ANKRD28: variants seen among roughly 807,000 people sequenced by gnomAD.
ANKRD28 encodes the protein serine/threonine-protein phosphatase 6 regulatory ankyrin repeat subunit A.
ANKRD28 carries 44 observed loss-of-function variants against 126.5 expected under a neutral mutation model. The ratio of observed to expected loss-of-function variants is 0.35; its 90% CI spans 0.27 to 0.45. The LOEUF is 0.45. ANKRD28 is among the 20% of genes least tolerant of loss of function. ANKRD28 has a pLI of 1.00. For synonymous variants in ANKRD28, 442 were observed against 468.5 expected (o/e 0.94, Z 0.73); for missense variants, 1,110 against 1,316.6 (o/e 0.84, Z 2.43).
intron 27 of ANKRD28, among the ~76,000 whole-genome samples, chr3:15,675,619 A>G (rs1280997659): frequency 6.6e-6 from 1 of 152,210 alleles, no homozygotes; most frequent in Non-Finnish European, 1.5e-5. Context: ...TATTTGCTGA[A>G]AGAACAAAAT....
At chr3:15,852,890 C>A (rs573611241) in intron 1 of ANKRD28, among the ~76,000 whole-genome samples, 1 of 149,894 alleles carries the variant, frequency 6.7e-6, no homozygotes, top group African/African-American at 2.4e-5. Context: ...GCAAAAGTAG[C>A]CTTCTCACAA....
At chr3:15,765,372 C>T (rs1444751791) in intron 3 of ANKRD28, among the ~76,000 whole-genome samples, 3 of 152,044 alleles carry the variant, frequency 2.0e-5, no homozygotes, top group Non-Finnish European at 2.9e-5. Flanking sequence ...TAGATAAAAG[C>T]TATTTAAACA....
intron 1 of ANKRD28, among the ~76,000 whole-genome samples, chr3:15,834,013 T>G (rs899010472): frequency 2.0e-5 from 3 of 152,178 alleles, no homozygotes; most frequent in African/African-American, 7.2e-5. Context: ...TGCACATATT[T>G]TTTCCCCTTT....
intron 2 of ANKRD28, among the ~76,000 whole-genome samples, chr3:15,777,902 A>ACACACACACACC (rs1385745179): frequency 2.9e-5 from 4 of 136,730 alleles, no homozygotes; most frequent in South Asian, 2.3e-4. Flanking sequence ...ACACACACAC[A>ACACACACACACC]CCCTCTCCGC....
At chr3:15,781,318 G>A (rs1003286683) in intron 2 of ANKRD28, 2 of 152,008 alleles carry the variant, frequency 1.3e-5, no homozygotes, top group African/African-American at 4.8e-5. Flanking sequence ...GATGTTTCTG[G>A]AGGAGACTGG....
At chr3:15,695,539 C>A (rs559355870) in intron 15 of ANKRD28, among the ~76,000 whole-genome samples, 1 of 152,088 alleles carries the variant, frequency 6.6e-6, no homozygotes, top group East Asian at 1.9e-4. Context: ...TGAAGGGAAG[C>A]AAAGTTTAAT....
Position 15,769,451 on chromosome 3 carries a change from A to T in ANKRD28, c.202-3139T>A, listed in dbSNP as rs551095773. On this transcript the variant is annotated intron_variant, in intron 2 of 27. Coordinates refer to ENST00000683139, the MANE Select transcript of ANKRD28 (RefSeq NM_001349278.2). ...AGTAATTCCATTTTAAGGCTTTTTT[A>T]AAAAAAGCCTACATATCCAGATAAA... is the stretch of plus-strand genomic sequence containing the variant. 2.8e-3 allele frequency among the ~76,000 whole-genome samples: 419 copies of T among 152,290 alleles called. 5 individuals carry two copies. The highest frequency in any genetic ancestry group is 8.0e-3 in the African/African-American group (334 of 41,562).
chr3:15,672,032 T>C (rs1021266297), intron 27 of ANKRD28, among the ~76,000 whole-genome samples: 2 of 152,228 alleles, frequency 1.3e-5, no homozygotes, highest in Admixed American at 1.3e-4. Context: ...ATACAGTATT[T>C]CATTGTGTGA....
chr3:15,784,838 G>A (rs1193691043), intron 2 of ANKRD28, among the ~76,000 whole-genome samples: 1 of 152,020 alleles, frequency 6.6e-6, no homozygotes, highest in African/African-American at 2.4e-5. Context: ...ATACAGCAGA[G>A]TAGGAAGCAC....
At chr3:15,831,641 C>T (rs949789779) in intron 1 of ANKRD28, among the ~76,000 whole-genome samples, 6 of 152,110 alleles carry the variant, frequency 3.9e-5, no homozygotes, top group African/African-American at 1.2e-4. Context: ...TCTGACCTTG[C>T]CTTATCTTTT....
intron 17 of ANKRD28, among the ~76,000 whole-genome samples, chr3:15,691,256 T>C (rs1182184470): frequency 2.6e-5 from 4 of 151,982 alleles, no homozygotes; most frequent in Admixed American, 2.0e-4. Flanking sequence ...CCCGAGTAGC[T>C]GGGATTACAG....
chr3:15,850,204 A>AAAATATATATAT (rs1486394619), intron 1 of ANKRD28, among the ~76,000 whole-genome samples: 19 of 54,828 alleles, frequency 3.5e-4, no homozygotes, highest in Admixed American at 9.5e-4. Context: ...AAAAAAAAAA[A>AAAATATATATAT]ATATATATAT....
intron 2 of ANKRD28, among the ~76,000 whole-genome samples, chr3:15,775,169 G>C (rs2059199818): frequency 6.6e-6 from 1 of 152,214 alleles, no homozygotes; most frequent in South Asian, 2.1e-4. Context: ...GAGCCACTGT[G>C]CCCGGCCCAG....
intron 21 of ANKRD28, among the ~76,000 whole-genome samples, chr3:15,683,184 C>T (rs1040991076): frequency 2.6e-5 from 4 of 152,048 alleles, no homozygotes; most frequent in African/African-American, 9.7e-5. Flanking sequence ...GGTTAATCTT[C>T]AGGGATATAT....
intron 8 of ANKRD28, among the ~76,000 whole-genome samples, chr3:15,718,646 C>T (rs570077869): frequency 6.6e-6 from 1 of 151,804 alleles, no homozygotes; most frequent in East Asian, 1.9e-4. Context: ...AAACAGGAAG[C>T]CCAATCTCTA....
At chr3:15,763,411 CT>C (rs2125521364) in intron 3 of ANKRD28, among the ~76,000 whole-genome samples, 1 of 152,222 alleles carries the variant, frequency 6.6e-6, no homozygotes, top group Non-Finnish European at 1.5e-5. Context: ...ATCCCAGGCA[CT>C]TTAAATAAAT....
chr3:15,783,391 T>C (rs538057348), intron 2 of ANKRD28, among the ~76,000 whole-genome samples: 2 of 152,152 alleles, frequency 1.3e-5, no homozygotes, highest in African/African-American at 4.8e-5. Flanking sequence ...TGTGAGAATG[T>C]TGAAAATTTA....
rs541979309 is a variant in ANKRD28, at chr3:15,716,135, AC to A, written c.997-1480del. Among the ~76,000 whole-genome samples, 61 of 151,866 alleles carry A rather than the reference AC, an allele frequency of 4.0e-4. 1 individual carries two copies. In the Middle Eastern group the frequency reaches 0.01, roughly 25 times the overall value. ...GTAGCTGGGATTACAGGCATGCACC[AC>A]CATGCCCAGCTAATTTTTGTATTTT... On this transcript the variant is annotated intron_variant, in intron 8 of 27. Transcript: ENST00000683139.
intron 6 of ANKRD28, among the ~76,000 whole-genome samples, chr3:15,725,661 T>C (rs746740763): frequency 3.7e-4 from 56 of 152,308 alleles, no homozygotes; most frequent in Middle Eastern, 3.4e-3. Context: ...TTTTTCAATG[T>C]TATTTTATCT....
Sources: gnomAD v4.1 joint callset for allele counts (sites outside exome capture counted in the v4.1 genomes callset) on GRCh38, gnomAD v4.1.1 for gene constraint, MANE v1.5 for transcripts, NCBI Gene and HGNC (gene_info 2026-07-23, HGNC 2026-07-21) for gene names.